The following BRSK2 variants were observed in gnomAD, a reference collection of about 807,000 sequenced individuals.
The protein encoded by BRSK2 is BR serine/threonine kinase 2.
A neutral mutation model predicts 83.3 loss-of-function variants in BRSK2; 19 were observed. The ratio of observed to expected loss-of-function variants is 0.23; its 90% CI spans 0.16 to 0.33. The LOEUF is 0.33. BRSK2 is among the 10% of genes least tolerant of loss of function. The pLI is 1.00. For synonymous variants in BRSK2, 519 were observed against 435.4 expected (o/e 1.19, Z -2.39); for missense variants, 798 against 1,042.3 (o/e 0.77, Z 3.23).
At chr11:1,457,321 C>T (rs1846713055) in intron 18 of BRSK2, among the ~76,000 whole-genome samples, 1 of 152,208 alleles carries the variant, frequency 6.6e-6, no homozygotes, top group Admixed American at 6.5e-5. Context: ...TCCATACTTC[C>T]TGACAGCCCA....
chr11:1,402,039 C>T (rs1169743039), intron 1 of BRSK2, among the ~76,000 whole-genome samples: 1 of 152,214 alleles, frequency 6.6e-6, no homozygotes, highest in African/African-American at 2.4e-5. Flanking sequence ...CCACAGGACC[C>T]ACCCCTCGTG....
chr11:1,459,167 C>T (rs1481829202), intron 18 of BRSK2, 25 bp from the exon 19 acceptor site: 4 of 1,612,774 alleles, frequency 2.5e-6, no homozygotes, highest in African/African-American at 1.3e-5. Flanking sequence ...CACTCCCTCC[C>T]TCCTCTCTCC....
intron 1 of BRSK2, among the ~76,000 whole-genome samples, chr11:1,407,238 T>C (rs1406617153): frequency 6.6e-6 from 1 of 152,136 alleles, no homozygotes; most frequent in Non-Finnish European, 1.5e-5. Flanking sequence ...TCTCTGAGCT[T>C]GGTGTGGGTC....
chr11:1,401,648 G>T (rs371573351), intron 1 of BRSK2, among the ~76,000 whole-genome samples: 1 of 152,264 alleles, frequency 6.6e-6, no homozygotes, highest in South Asian at 2.1e-4. Context: ...GCAGCCGTGG[G>T]TGGTATGGAA....
chr11:1,398,184 A>T (rs563052825), intron 1 of BRSK2, among the ~76,000 whole-genome samples: 1 of 152,196 alleles, frequency 6.6e-6, no homozygotes, highest in South Asian at 2.1e-4. Flanking sequence ...AGGGGTCAGG[A>T]TAGGGGCTGG....
At chr11:1,401,564 T>C (rs7103987) in intron 1 of BRSK2, among the ~76,000 whole-genome samples, 65,271 of 152,130 alleles carry the variant, frequency 0.43, 14,667 homozygotes, top group Middle Eastern at 0.53. Flanking sequence ...CAGGCTGCAC[T>C]GAGCCCCTTC....
chr11:1,433,721 T>G (rs546984332), intron 1 of BRSK2, among the ~76,000 whole-genome samples: 1 of 152,208 alleles, frequency 6.6e-6, no homozygotes, highest in African/African-American at 2.4e-5. Flanking sequence ...CCCTCCTGAG[T>G]GCTCCTCCGG....
At chr11:1,410,754 G>C in intron 1 of BRSK2, 1 of 985,434 alleles carries the variant, frequency 1.0e-6, no homozygotes, top group Non-Finnish European at 1.2e-6. Flanking sequence ...ATTCTCAGGG[G>C]CTGGGGGACA....
At chr11:1,452,152 G>T (rs1845886242) in intron 15 of BRSK2, among the ~76,000 whole-genome samples, 1 of 152,300 alleles carries the variant, frequency 6.6e-6, no homozygotes, top group South Asian at 2.1e-4. Context: ...AAATGAAGAT[G>T]TGGCCAGCTG....
chr11:1,460,049 C>G (rs142669094), intron 19 of BRSK2, among the ~76,000 whole-genome samples: 1 of 131,224 alleles, frequency 7.6e-6, no homozygotes, highest in Non-Finnish European at 1.6e-5. Context: ...CTGTCATCTC[C>G]GGCGTTGGGG....
intron 1 of BRSK2, among the ~76,000 whole-genome samples, chr11:1,408,764 GGT>G (rs59441591): frequency 1.3e-5 from 1 of 78,766 alleles, no homozygotes. Flanking sequence ...CCTGTGCAGG[GGT>G]GTGTGTGTGT....
chr11:1,447,688 G>A, intron 12 of BRSK2: 1 of 954,120 alleles, frequency 1.0e-6, no homozygotes, highest in Non-Finnish European at 1.6e-6. Flanking sequence ...TTGTGCAGCG[G>A]CCTCAGAGCC....
intron 1 of BRSK2, among the ~76,000 whole-genome samples, chr11:1,408,012 C>T (rs558399547): frequency 6.6e-6 from 1 of 152,360 alleles, no homozygotes; most frequent in African/African-American, 2.4e-5. Flanking sequence ...GGCACCTCCT[C>T]CATCACCTCC....
At chr11:1,452,762 C>T (rs1472908633) in intron 15 of BRSK2, among the ~76,000 whole-genome samples, 1 of 152,166 alleles carries the variant, frequency 6.6e-6, no homozygotes, top group African/African-American at 2.4e-5. Flanking sequence ...GGGCCCGGCA[C>T]AGATGCCTGT....
At chr11:1,445,116 T>TG in intron 9 of BRSK2, 114 bp downstream of exon 9, 1 of 1,491,204 alleles carries the variant, frequency 6.7e-7, no homozygotes, top group Non-Finnish European at 9.3e-7. Flanking sequence ...TGCCCTGCCT[T>TG]GGCCCTCCGT....
chr11:1,448,576 T>A (rs1202002655), intron 12 of BRSK2, among the ~76,000 whole-genome samples: 1 of 151,994 alleles, frequency 6.6e-6, no homozygotes, highest in Non-Finnish European at 1.5e-5. Context: ...TCTGTCTTCC[T>A]CGTGCCCAGT....
At chr11:1,393,649 C>T (rs1454326160) in intron 1 of BRSK2, among the ~76,000 whole-genome samples, 1 of 152,126 alleles carries the variant, frequency 6.6e-6, no homozygotes, top group African/African-American at 2.4e-5. Context: ...TGGTGGCTGC[C>T]AGGGTGGAGA....
chr11:1,429,094 G>A (rs538477854), intron 1 of BRSK2, among the ~76,000 whole-genome samples: 7 of 146,626 alleles, frequency 4.8e-5, no homozygotes, highest in East Asian at 2.1e-4. Flanking sequence ...CTGGGTGCGT[G>A]CATGTGTGCA....
At chr11:1,394,390 T>A (rs1428125702) in intron 1 of BRSK2, among the ~76,000 whole-genome samples, 1 of 71,954 alleles carries the variant, frequency 1.4e-5, no homozygotes, top group Non-Finnish European at 2.6e-5. Flanking sequence ...GCCATGGAGA[T>A]GGGTCCTGGA....
Sources: gnomAD v4.1 joint callset for allele counts (sites outside exome capture counted in the v4.1 genomes callset) on GRCh38, gnomAD v4.1.1 for gene constraint, MANE v1.5 for transcripts, NCBI Gene and HGNC (gene_info 2026-07-23, HGNC 2026-07-21) for gene names.